The following TERF2IP variants were observed in gnomAD, a reference collection of about 807,000 sequenced individuals.
The protein encoded by TERF2IP is telomeric repeat-binding factor 2-interacting protein 1.
Under a neutral mutation model 33.3 loss-of-function variants are expected in TERF2IP, and 35 were observed. That is an observed-to-expected ratio of 1.05 (90% confidence interval 0.80 to 1.39). The LOEUF is 1.39. Among genes scored for constraint, TERF2IP ranks in the 40% most tolerant of loss-of-function variants. The pLI is 0.00. For synonymous variants in TERF2IP, 253 were observed against 223.2 expected, an observed-to-expected ratio of 1.13 and a Z score of -1.19; for missense variants, 583 against 524.8, an observed-to-expected ratio of 1.11 and a Z score of -1.08.
rs758945541 is a variant in TERF2IP at position 75,648,416 on chromosome 16, G to T, written c.534G>T (p.Gln178His). 1 of 1,606,628 alleles carries T rather than the reference G, an allele frequency of 6.2e-7. No homozygotes were observed. The highest frequency in any genetic ancestry group is 1.3e-5 in the African/African-American group (1 of 74,902). Residue 178 changes from glutamine to histidine, a missense_variant, in exon 1 of 3, where the codon CAG (glutamine) becomes CAT (histidine). Transcript: ENST00000300086. ...GCTCGCTCACGCAGCACTCGTGGCA[G>T]TCCCTGAAGGACCGCTACCTCAAGC... Reference protein sequence around the residue: ...EKSSLTQHSWQSLKDRYLKHL... With the variant: ...EKSSLTQHSWHSLKDRYLKHL...
At position 75,656,686 on chromosome 16, in the gene TERF2IP, A is replaced by G. The variant is rs542027587; in HGVS notation, c.*75A>G. ...AAAAAAATTGTGACCAATGAACTTT[A>G]GAGAGTTCTTGCATTGGAACTGGCA... On this transcript the variant is annotated 3_prime_UTR_variant, in exon 3 of 3. Coordinates refer to ENST00000300086, the MANE Select transcript of TERF2IP (RefSeq NM_018975.4). The G allele has an allele frequency of 4.3e-6, 6 of 1,407,610 alleles. No individual in the cohort carries two copies. The South Asian group carries it at 8.4e-5, about 20-fold the overall frequency. 87.2% of individuals were successfully genotyped at this position (1,407,610 alleles called of 1,614,324 possible). A position where few individuals can be genotyped will look rare whatever the true frequency, so the allele number is the denominator to read the frequency against.
At chr16:75,650,923 C>T (rs1160316090) in intron 1 of TERF2IP, among the ~76,000 whole-genome samples, 2 of 151,970 alleles carry the variant, frequency 1.3e-5, no homozygotes, top group African/African-American at 4.8e-5. Context: ...TTCATCCTAC[C>T]CATCTAAGTA....
rs566700511 is a variant in TERF2IP at position 75,647,816 on chromosome 16, T to G, written c.-67T>G. 2.7e-5 allele frequency: 42 copies of G among 1,584,286 alleles called. No homozygotes were observed. Among genetic ancestry groups the G allele is most frequent in the South Asian group, 2.3e-4 (21 of 89,884 alleles). On this transcript the variant is annotated 5_prime_UTR_variant, in exon 1 of 3. Transcript: ENST00000300086. Reference sequence around the variant, plus strand: ...AGAGGCGTCTGCGGTGACAGCTCAGTCAGTTGAGCTCTGTGTGCCAGGCGC... The same window carrying G: ...AGAGGCGTCTGCGGTGACAGCTCAGGCAGTTGAGCTCTGTGTGCCAGGCGC...
At chr16:75,653,479 C>T (rs1217539996) in intron 1 of TERF2IP, among the ~76,000 whole-genome samples, 2 of 152,222 alleles carry the variant, frequency 1.3e-5, no homozygotes, top group African/African-American at 4.8e-5. Context: ...GAAAAACTCC[C>T]TCTTGCTGCC....
At chr16:75,651,703 A>G (rs79890721) in intron 1 of TERF2IP, among the ~76,000 whole-genome samples, 1,916 of 152,262 alleles carry the variant, frequency 0.013, 50 homozygotes, top group African/African-American at 0.043. Context: ...AGAAAAAAAG[A>G]AGAAGAAAGA....
chr16:75,648,600 T>A, intron 1 of TERF2IP, 48 bp downstream of exon 1: 1 of 1,469,480 alleles, frequency 6.8e-7, no homozygotes, highest in Non-Finnish European at 9.0e-7. Flanking sequence ...GCGGGTGGGG[T>A]TGGGATCTTT....
chr16:75,654,416 C>G lies in TERF2IP; in HGVS notation c.795+19C>G. On this transcript the variant is annotated intron_variant, in intron 2 of 2. Transcript: ENST00000300086. The stretch of plus-strand genomic sequence containing the variant: ...GGTTGTGGTATGTTAACTAGATTTA[C>G]TCATTATTTTTTTCCCTACCTTCAT... The G allele has an allele frequency of 6.2e-7, 1 of 1,607,986 alleles. No homozygotes were observed. Among genetic ancestry groups the G allele is most frequent in the Non-Finnish European group, 8.5e-7 (1 of 1,176,016 alleles).
Position 75,648,282 on chromosome 16 carries a change from A to G in TERF2IP, c.400A>G (p.Ile134Val). The G allele has an allele frequency of 6.4e-7, 1 of 1,550,670 alleles. No individual in the cohort carries two copies. Among genetic ancestry groups the G allele is most frequent in the Non-Finnish European group, 8.7e-7 (1 of 1,146,684 alleles). The change falls in exon 1 of 3, where the codon ATC becomes GTC. Residue 134 changes from isoleucine (I) to valine (V), a missense_variant. By Grantham distance (29) the Ile-to-Val change is conservative. Coordinates refer to ENST00000300086, the MANE Select transcript of TERF2IP (RefSeq NM_018975.4). ...EPEPQRHAGR[I>V]AFTDADDVAI... Reference sequence around the variant, plus strand: ...GGAGCCGCAGCGGCACGCCGGGCGGATCGCCTTCACGGATGCGGACGACGT... The same window carrying G: ...GGAGCCGCAGCGGCACGCCGGGCGGGTCGCCTTCACGGATGCGGACGACGT...
In TERF2IP at chr16:75,648,005, G is replaced by T; in HGVS notation, c.123G>T (p.Arg41=). The T allele has an allele frequency of 6.2e-7, 1 of 1,613,102 alleles. No homozygotes were observed. The change falls in exon 1 of 3, where the codon CGG becomes CGT. Residue 41 remains arginine (R), a synonymous_variant. Coordinates refer to ENST00000300086, the MANE Select transcript of TERF2IP (RefSeq NM_018975.4). ...FYVRPSPAKR[R]LSTLILHGGG... ...TGCGGCCCAGCCCGGCCAAGCGTCG[G>T]CTGTCGACGCTCATCCTGCACGGCG...
chr16:75,654,170 AAAAG>A, intron 1 of TERF2IP, 99 bp from the exon 2 acceptor site: 8 of 971,536 alleles, frequency 8.2e-6, no homozygotes, highest in East Asian at 3.1e-5. Context: ...AAAAAAAAAA[AAAAG>A]TGCAGGCTCA....
chr16:75,649,086 C>G (rs2082327036), intron 1 of TERF2IP, among the ~76,000 whole-genome samples: 1 of 142,032 alleles, frequency 7.0e-6, no homozygotes, highest in Admixed American at 7.2e-5. Flanking sequence ...TGACAGGTCT[C>G]GAACTCTTGG....
intron 1 of TERF2IP, among the ~76,000 whole-genome samples, chr16:75,651,037 C>T (rs1471672074): frequency 6.6e-6 from 1 of 151,990 alleles, no homozygotes; most frequent in Non-Finnish European, 1.5e-5. Context: ...TGCTCTGAAC[C>T]ATTTGTGGTT....
At position 75,648,192 on chromosome 16, in the gene TERF2IP, G is replaced by C. The variant is rs1257273462; in HGVS notation, c.310G>C (p.Ala104Pro). 36 of 1,549,794 alleles carry C rather than the reference G, an allele frequency of 2.3e-5. No individual in the cohort carries two copies. Among genetic ancestry groups the C allele is most frequent in the Non-Finnish European group, 3.1e-5 (36 of 1,149,924 alleles). Residue 104 changes from alanine to proline, a missense_variant, in exon 1 of 3, where the codon GCC (alanine) becomes CCC (proline). Coordinates refer to ENST00000300086, the MANE Select transcript of TERF2IP (RefSeq NM_018975.4). ...GCTGGAGGCCTATCGGCTGGGCCCC[G>C]CCTCGGCGGCGGACACCGGCTCGGA... ...LELEAYRLGP[A>P]SAADTGSEAK...
rs2082384333 is a variant in TERF2IP, at chr16:75,656,220, C to G, written c.809C>G (p.Pro270Arg). 4.4e-6 allele frequency: 7 copies of G among 1,607,804 alleles called. No homozygotes were observed. The highest frequency in any genetic ancestry group is 5.1e-6 in the Non-Finnish European group (6 of 1,176,634). ...EFEEVVVDESPPDFEIHITMC... is the reference protein window; with the variant it reads ...EFEEVVVDESRPDFEIHITMC... ...CATTCTGTCTAGGTGGATGAGAGCC[C>G]TCCTGATTTTGAAATACATATAACT... is the stretch of plus-strand genomic sequence containing the variant. The change falls in exon 3 of 3, where the codon CCT (proline) becomes CGT (arginine). Residue 270 changes from proline (P) to arginine (R), a missense_variant. By Grantham distance (103) the Pro-to-Arg change is moderately radical. Transcript: ENST00000300086.
rs1434450184 is a variant in TERF2IP at position 75,648,568 on chromosome 16, G to A, written c.670+16G>A. The A allele has an allele frequency of 6.6e-7, 1 of 1,515,646 alleles. No homozygotes were observed. The highest frequency in any genetic ancestry group is 8.9e-7 in the Non-Finnish European group (1 of 1,127,252). The allele number at this position is 1,515,646 out of a possible 1,614,324, so 93.9% of individuals were successfully genotyped here. On this transcript the variant is annotated intron_variant, in intron 1 of 2. Coordinates refer to ENST00000300086, the MANE Select transcript of TERF2IP (RefSeq NM_018975.4). ...GATAGCGGGGGTGAGGAGGCTGAGC[G>A]CGGGGCCTCGCGGATATCTGCGCGG...
intron 1 of TERF2IP, among the ~76,000 whole-genome samples, chr16:75,652,514 C>G (rs889527406): frequency 1.3e-5 from 2 of 152,138 alleles, no homozygotes; most frequent in African/African-American, 4.8e-5. Flanking sequence ...TAAATCTATA[C>G]TTTTCATCCC....
chr16:75,649,504 A>T (rs1230974969), intron 1 of TERF2IP, among the ~76,000 whole-genome samples: 1 of 151,326 alleles, frequency 6.6e-6, no homozygotes, highest in Non-Finnish European at 1.5e-5. Flanking sequence ...AGACTGCGCC[A>T]CTGCTCTCCA....
Position 75,647,803 on chromosome 16 carries a change from G to C in TERF2IP, c.-80G>C. The stretch of plus-strand genomic sequence containing the variant: ...TGCGCTTCGCGGCAGAGGCGTCTGC[G>C]GTGACAGCTCAGTCAGTTGAGCTCT... On this transcript the variant is annotated 5_prime_UTR_variant, in exon 1 of 3. Coordinates refer to ENST00000300086, the MANE Select transcript of TERF2IP (RefSeq NM_018975.4). 1 of 1,590,736 alleles carries C rather than the reference G, an allele frequency of 6.3e-7. No homozygotes were observed. The highest frequency in any genetic ancestry group is 8.6e-7 in the Non-Finnish European group (1 of 1,162,030).
Position 75,656,699 on chromosome 16 carries a change from A to G in TERF2IP, c.*88A>G, listed in dbSNP as rs2082389903. On this transcript the variant is annotated 3_prime_UTR_variant, in exon 3 of 3. Coordinates refer to ENST00000300086, the MANE Select transcript of TERF2IP (RefSeq NM_018975.4). The stretch of plus-strand genomic sequence containing the variant: ...CCAATGAACTTTAGAGAGTTCTTGC[A>G]TTGGAACTGGCACTTATTTTCTGAC... 5.5e-6 allele frequency: 7 copies of G among 1,265,688 alleles called. No homozygotes were observed. The highest frequency in any genetic ancestry group is 4.5e-5 in the South Asian group (3 of 66,414). The allele number at this position is 1,265,688 out of a possible 1,614,324, so 78.4% of individuals were successfully genotyped here.
Sources: gnomAD v4.1 joint callset for allele counts (sites outside exome capture counted in the v4.1 genomes callset) on GRCh38, gnomAD v4.1.1 for gene constraint, MANE v1.5 for transcripts, NCBI Gene and HGNC (gene_info 2026-07-23, HGNC 2026-07-21) for gene names.